Variants in OR10R2 observed in about 807,000 individuals in gnomAD.
OR10R2 encodes the protein olfactory receptor family 10 subfamily R member 2.
In OR10R2, 1 loss-of-function variant was observed where a neutral mutation model predicts 2.4. The ratio of observed to expected loss-of-function variants is 0.41; its 90% CI spans 0.15 to 1.95. The LOEUF is 1.95. Ranked by LOEUF, OR10R2 falls within the 30% of genes most tolerant of loss-of-function variation. The pLI is 0.30. For missense variants in OR10R2, 419 were observed against 373.0 expected (o/e 1.12, Z -1.01); for synonymous variants, 166 against 144.8 (o/e 1.15, Z -1.05).
At chr1:158,472,389 G>A in intron 1 of OR10R2, 37 bp downstream of exon 1, 1 of 399,018 alleles carries the variant, frequency 2.5e-6, no homozygotes, top group Non-Finnish European at 4.4e-6. Context: ...AATTTTAAGA[G>A]ACTAGCAGGA....
intron 1 of OR10R2, among the ~76,000 whole-genome samples, chr1:158,478,781 T>C (rs1337465413): frequency 6.6e-6 from 1 of 152,164 alleles, no homozygotes; most frequent in African/African-American, 2.4e-5. Context: ...AAAATACTTA[T>C]TCTGCATATA....
exon 2 of OR10R2, chr1:158,480,006 T>A: frequency 6.2e-7 from 1 of 1,613,968 alleles, no homozygotes; most frequent in Non-Finnish European, 8.5e-7. Flanking sequence ...TTGGTGAAAT[T>A]CAGCTGGCCC....
chr1:158,478,388 C>T (rs73027714), intron 1 of OR10R2, among the ~76,000 whole-genome samples: 3,911 of 152,066 alleles, frequency 0.026, 83 homozygotes, highest in African/African-American at 0.056. Context: ...CCTGTTAGAA[C>T]CTGAGGGGAG....
intron 1 of OR10R2, among the ~76,000 whole-genome samples, chr1:158,478,974 G>T (rs1219048959): frequency 6.6e-6 from 1 of 151,986 alleles, no homozygotes; most frequent in African/African-American, 2.4e-5. Context: ...TGTGTTTATG[G>T]TTATTTTAAT....
rs565081923 is a variant in OR10R2 at position 158,474,240 on chromosome 1, A to G, written c.27+1888A>G. On this transcript the variant is annotated intron_variant, in intron 1 of 1. Coordinates refer to ENST00000641067, the Ensembl canonical transcript of OR10R2. The stretch of plus-strand genomic sequence containing the variant: ...AGCTGTTCTCTGTGTTCGCAATGCC[A>G]TGCCTCCTATTCTCAGGCCCCTGTA... Among the ~76,000 whole-genome samples, 12 of 152,148 alleles carry G rather than the reference A, an allele frequency of 7.9e-5. 1 individual carries two copies. The South Asian group carries it at 2.1e-3, about 26-fold the overall frequency.
At chr1:158,479,549 C>T (rs1656337605) in intron 1 of OR10R2, among the ~76,000 whole-genome samples, 1 of 151,920 alleles carries the variant, frequency 6.6e-6, no homozygotes, top group South Asian at 2.1e-4. Flanking sequence ...ATAATGAGCT[C>T]CCAAAGATGT....
chr1:158,475,932 T>A (rs989293329), intron 1 of OR10R2, among the ~76,000 whole-genome samples: 1 of 152,018 alleles, frequency 6.6e-6, no homozygotes, highest in Non-Finnish European at 1.5e-5. Flanking sequence ...CTATTATAGG[T>A]CAGAAACAGT....
At chr1:158,479,187 T>G (rs1656328802) in intron 1 of OR10R2, among the ~76,000 whole-genome samples, 1 of 152,172 alleles carries the variant, frequency 6.6e-6, no homozygotes, top group African/African-American at 2.4e-5. Context: ...ATTTAGTGAT[T>G]AAACTAGACA....
At chr1:158,476,479 C>T (rs1475997439) in intron 1 of OR10R2, among the ~76,000 whole-genome samples, 3 of 141,690 alleles carry the variant, frequency 2.1e-5, no homozygotes, top group Non-Finnish European at 3.0e-5. Context: ...ACCCGGGAGG[C>T]GGAGCTTGCA....
intron 1 of OR10R2, among the ~76,000 whole-genome samples, chr1:158,473,907 G>C: frequency 1.7e-5 from 2 of 117,678 alleles, no homozygotes; most frequent in African/African-American, 3.5e-5. Context: ...TTCCCTCTCT[G>C]CTTCCTTCCT....
exon 2 of OR10R2, chr1:158,480,565 C>G (rs761225792): frequency 4.3e-6 from 7 of 1,613,342 alleles, no homozygotes; most frequent in Non-Finnish European, 5.9e-6. Flanking sequence ...ACTTGTGGTT[C>G]CCTTTCTGTT....
At chr1:158,476,595 A>C (rs1656277138) in intron 1 of OR10R2, among the ~76,000 whole-genome samples, 1 of 152,042 alleles carries the variant, frequency 6.6e-6, no homozygotes, top group Non-Finnish European at 1.5e-5. Flanking sequence ...AAACTTAAAA[A>C]ATTAATGTTT....
At chr1:158,474,397 T>C (rs1656232715) in intron 1 of OR10R2, 1 of 152,208 alleles carries the variant, frequency 6.6e-6, no homozygotes, top group African/African-American at 2.4e-5. Flanking sequence ...TGAATAAATT[T>C]GTTTCTTCTA....
At chr1:158,478,312 T>C (rs1382033831) in intron 1 of OR10R2, among the ~76,000 whole-genome samples, 1 of 152,118 alleles carries the variant, frequency 6.6e-6, no homozygotes, top group Non-Finnish European at 1.5e-5. Flanking sequence ...AAGTGGGAGC[T>C]AATTAAACTA....
intron 1 of OR10R2, among the ~76,000 whole-genome samples, chr1:158,473,595 A>G (rs970820328): frequency 1.3e-5 from 2 of 152,240 alleles, no homozygotes; most frequent in Non-Finnish European, 2.9e-5. Flanking sequence ...GGCTCTTTGC[A>G]TGTTCAGTGA....
chr1:158,473,424 T>C (rs1557874833), intron 1 of OR10R2, among the ~76,000 whole-genome samples: 1 of 152,210 alleles, frequency 6.6e-6, no homozygotes, highest in East Asian at 1.9e-4. Context: ...TGTTCACTGT[T>C]GTATCTCAAA....
chr1:158,474,020 TCTCTTTC>T (rs1226874134), intron 1 of OR10R2, among the ~76,000 whole-genome samples: 15 of 151,040 alleles, frequency 9.9e-5, no homozygotes, highest in African/African-American at 4.9e-5. Context: ...CCTTTCTTCC[TCTCTTTC>T]TTCTTTCTTT....
Position 158,473,624 on chromosome 1 carries a change from A to G in OR10R2, c.27+1272A>G, listed in dbSNP as rs74325652. On this transcript the variant is annotated intron_variant, in intron 1 of 1. Coordinates refer to ENST00000641067, the Ensembl canonical transcript of OR10R2. ...TCAGTGAACTAAGAAGTTCCATAAG[A>G]TTAAAACATTGGGATAAAATCTGGG... Among the ~76,000 whole-genome samples, 614 of 152,332 alleles carry G rather than the reference A, an allele frequency of 4.0e-3. 29 individuals are homozygous for G. The East Asian group carries it at 0.11, about 27-fold the overall frequency.
intron 1 of OR10R2, chr1:158,474,473 T>C (rs1314871596): frequency 6.6e-6 from 1 of 152,210 alleles, no homozygotes; most frequent in Non-Finnish European, 1.5e-5. Context: ...TCATAAGATA[T>C]TTATTCTTTT....
Sources: gnomAD v4.1 joint callset for allele counts (sites outside exome capture counted in the v4.1 genomes callset) on GRCh38, gnomAD v4.1.1 for gene constraint, MANE v1.5 for transcripts, NCBI Gene and HGNC (gene_info 2026-07-23, HGNC 2026-07-21) for gene names.